KHDRBS1: variants seen among roughly 807,000 people sequenced by gnomAD.
KHDRBS1 encodes the protein KH domain-containing, RNA-binding, signal transduction-associated protein 1.
KHDRBS1 carries 7 observed loss-of-function variants against 48.4 expected under a neutral mutation model. The ratio of observed to expected loss-of-function variants is 0.14; its 90% confidence interval spans 0.08 to 0.27. The LOEUF is 0.27. KHDRBS1 is among the 10% of genes least tolerant of loss of function. The probability of loss-of-function intolerance (pLI) is 1.00; values close to 1 mark genes in which losing one functional copy is unlikely to be tolerated. For synonymous variants in KHDRBS1, 241 were observed against 235.8 expected, an observed-to-expected ratio of 1.02 and a Z score of -0.20; for missense variants, 458 against 601.2, an observed-to-expected ratio of 0.76 and a Z score of 2.49.
At chr1:32,042,347 A>G (rs1387626107) in intron 8 of KHDRBS1, among the ~76,000 whole-genome samples, 180 bp from the exon 9 acceptor site, 1 of 152,200 alleles carries the variant, frequency 6.6e-6, no homozygotes, top group African/African-American at 2.4e-5. Context: ...TCAAAACTGA[A>G]AAATTGCCCA....
At chr1:32,025,520 C>T (rs1193205724) in intron 1 of KHDRBS1, among the ~76,000 whole-genome samples, 1 of 150,904 alleles carries the variant, frequency 6.6e-6, no homozygotes, top group African/African-American at 2.4e-5. Flanking sequence ...AGGCTGGTCT[C>T]GAACTCCTGA....
intron 3 of KHDRBS1, among the ~76,000 whole-genome samples, chr1:32,032,079 A>G (rs1192206895): frequency 1.3e-5 from 2 of 152,208 alleles, no homozygotes; most frequent in African/African-American, 4.8e-5. Context: ...TTTGTTTTAT[A>G]GCCGGTTTGG....
chr1:32,054,092 A>G (rs992402854), intron 10 of KHDRBS1, among the ~76,000 whole-genome samples: 4 of 152,166 alleles, frequency 2.6e-5, no homozygotes, highest in African/African-American at 9.6e-5. Context: ...AACATTTAAC[A>G]TGACACACAG....
chr1:32,054,116 A>G (rs1449349415), intron 10 of KHDRBS1, among the ~76,000 whole-genome samples: 1 of 152,180 alleles, frequency 6.6e-6, no homozygotes, highest in African/African-American at 2.4e-5. Context: ...GCACTCAAAT[A>G]TTAGCTATAA....
rs111604167 is a variant in KHDRBS1 at position 32,049,491 on chromosome 1, G to T, written n.1301+4101G>T. On this transcript the variant is annotated intron_variant and non_coding_transcript_variant, in intron 10 of 10. Transcript: ENST00000484270. ...ATATACTACGTTTCATTTATTCATT[G>T]ATCCATTGACAGGCATTTGGATTAT... 4.1e-3 allele frequency among the ~76,000 whole-genome samples: 616 copies of T among 149,668 alleles called. 7 individuals are homozygous for T. The highest frequency in any genetic ancestry group is 0.014 in the African/African-American group (583 of 40,588).
At chr1:32,017,600 C>CT (rs34505125) in intron 1 of KHDRBS1, among the ~76,000 whole-genome samples, 39,229 of 74,094 alleles carry the variant, frequency 0.53, 11,099 homozygotes, top group East Asian at 0.84. Flanking sequence ...TCTTTTTCTA[C>CT]TTTTTTTTTT....
intron 5 of KHDRBS1, 105 bp from the exon 6 acceptor site, chr1:32,037,730 A>G: frequency 8.2e-7 from 1 of 1,220,714 alleles, no homozygotes; most frequent in Non-Finnish European, 1.2e-6. Flanking sequence ...TAGCCTAGTT[A>G]AGGCTTCATA....
intron 1 of KHDRBS1, among the ~76,000 whole-genome samples, chr1:32,020,275 C>T (rs528625478): frequency 1.0e-4 from 15 of 150,298 alleles, no homozygotes; most frequent in Admixed American, 5.3e-4. Context: ...CCCAACTACC[C>T]GGGAGCCTGA....
intron 8 of KHDRBS1, 84 bp downstream of exon 8, chr1:32,039,657 C>T: frequency 1.3e-6 from 1 of 792,236 alleles, no homozygotes. Context: ...GAGAGTCAGA[C>T]AAACACACCT....
intron 1 of KHDRBS1, among the ~76,000 whole-genome samples, chr1:32,019,447 G>A (rs1278196482): frequency 3.3e-5 from 5 of 152,088 alleles, no homozygotes; most frequent in African/African-American, 1.2e-4. Context: ...CTACTTGGAA[G>A]GCTGAGGCAG....
intron 1 of KHDRBS1, 95 bp from the exon 2 acceptor site, chr1:32,030,203 G>C (rs1366996136): frequency 1.0e-6 from 1 of 962,456 alleles, no homozygotes; most frequent in Non-Finnish European, 1.5e-6. Flanking sequence ...GAACTATTTG[G>C]TTTCACTATA....
chr1:32,014,789 G>A (rs1638702571), intron 1 of KHDRBS1, among the ~76,000 whole-genome samples: 1 of 152,198 alleles, frequency 6.6e-6, no homozygotes, highest in South Asian at 2.1e-4. Context: ...GGTGTAGGAG[G>A]TGAAGACAGC....
At chr1:32,020,123 T>A (rs1638829069) in intron 1 of KHDRBS1, among the ~76,000 whole-genome samples, 1 of 152,074 alleles carries the variant, frequency 6.6e-6, no homozygotes, top group Admixed American at 6.5e-5. Context: ...CTAAATGTGC[T>A]TATTGGCTGG....
Position 32,033,253 on chromosome 1 carries a change from C to T in KHDRBS1, c.690C>T (p.Phe230=). The T allele has an allele frequency of 6.2e-7, 1 of 1,614,154 alleles. No individual in the cohort carries two copies. Among genetic ancestry groups the T allele is most frequent in the Non-Finnish European group, 8.5e-7 (1 of 1,180,024 alleles). ...ACTTGAATATGGATCTGCATGTCTT[C>T]ATTGAAGTCTTTGGACCCCCATGTG... ...YAHLNMDLHV[F]IEVFGPPCEA... The change falls in exon 4 of 9, where the codon TTC becomes TTT. Residue 230 remains phenylalanine (F), a synonymous_variant. Coordinates refer to ENST00000327300, the MANE Select transcript of KHDRBS1 (RefSeq NM_006559.3).
In KHDRBS1 at chr1:32,043,187, T is replaced by C. The variant is rs1208996337; in HGVS notation, c.*563T>C. On this transcript the variant is annotated 3_prime_UTR_variant, in exon 9 of 9. Coordinates refer to ENST00000327300, the MANE Select transcript of KHDRBS1 (RefSeq NM_006559.3). ...ACGTCTCTAAAAAATGTTTCCTTTA[T>C]AAAAGCACATGGCGGTTGAATCTTA... The C allele has an allele frequency of 5.2e-5, 8 of 152,508 alleles. No individual in the cohort carries two copies. The highest frequency in any genetic ancestry group is 7.4e-5 in the Non-Finnish European group (5 of 68,016). 9.4% of individuals were successfully genotyped at this position (152,508 alleles called of 1,614,324 possible).
chr1:32,037,824 T>A lies in KHDRBS1; in HGVS notation c.906-11T>A. 3 of 1,609,276 alleles carry A rather than the reference T, an allele frequency of 1.9e-6. No homozygotes were observed. Among genetic ancestry groups the A allele is most frequent in the Non-Finnish European group, 1.7e-6 (2 of 1,176,030 alleles). On this transcript the variant is annotated splice_polypyrimidine_tract_variant and intron_variant, in intron 5 of 8. Transcript: ENST00000327300. Reference sequence around the variant, plus strand: ...AAAAAGCTCCATTTAAGATAAACTTTCATTTTGTAGGGGCCGTGGTGTTGG... The same window carrying A: ...AAAAAGCTCCATTTAAGATAAACTTACATTTTGTAGGGGCCGTGGTGTTGG...
chr1:32,046,354 C>T (rs1049224472), downstream of KHDRBS1, among the ~76,000 whole-genome samples: 1 of 152,120 alleles, frequency 6.6e-6, no homozygotes, highest in African/African-American at 2.4e-5. Context: ...CCTGGGACTA[C>T]AGGCACCTGC....
At chr1:32,022,949 C>T (rs1165673651) in intron 1 of KHDRBS1, among the ~76,000 whole-genome samples, 1 of 151,908 alleles carries the variant, frequency 6.6e-6, no homozygotes, top group African/African-American at 2.4e-5. Context: ...TAAGCCAGAC[C>T]AGTTGATAAA....
intron 8 of KHDRBS1, among the ~76,000 whole-genome samples, chr1:32,041,583 C>CTTTTTTTT (rs370173805): frequency 1.1e-4 from 8 of 75,606 alleles, no homozygotes; most frequent in East Asian, 4.6e-4. Flanking sequence ...AGGAATTATC[C>CTTTTTTTT]TTTTTTTTTT....
Sources: allele counts gnomAD v4.1 joint callset (sites outside exome capture counted in the v4.1 genomes callset), GRCh38; gene constraint gnomAD v4.1.1; transcripts MANE v1.5; gene names NCBI Gene and HGNC (gene_info 2026-07-23, HGNC 2026-07-21).